The following TMC1 variants were observed in gnomAD, a reference collection of about 807,000 sequenced individuals.
The protein encoded by TMC1 is transmembrane channel-like protein 1.
A neutral mutation model predicts 105.8 loss-of-function variants in TMC1; 84 were observed. The observed-to-expected ratio is 0.79, with a 90% CI of 0.67 to 0.95. The LOEUF (loss-of-function observed/expected upper bound fraction) is 0.95. Among genes scored for constraint, TMC1 ranks in the 40% least tolerant of loss-of-function variants. The pLI is 0.00. For missense variants in TMC1, 817 were observed against 914.1 expected (o/e 0.89, Z 1.37); for synonymous variants, 315 against 311.5 (o/e 1.01, Z -0.12).
At chr9:72,557,051 T>G (rs1823953969) in intron 1 of TMC1, among the ~76,000 whole-genome samples, 1 of 152,068 alleles carries the variant, frequency 6.6e-6, no homozygotes, top group South Asian at 2.1e-4. Flanking sequence ...GTCAATTGTT[T>G]TTTGAGGTTG....
intron 5 of TMC1, among the ~76,000 whole-genome samples, chr9:72,665,128 T>A (rs1166402277): frequency 6.6e-6 from 1 of 152,210 alleles, no homozygotes; most frequent in Non-Finnish European, 1.5e-5. Context: ...AGGAATTTTT[T>A]AGCTCCTTTA....
intron 4 of TMC1, among the ~76,000 whole-genome samples, chr9:72,639,143 A>G (rs1010367154): frequency 2.0e-5 from 3 of 152,160 alleles, no homozygotes; most frequent in Admixed American, 2.0e-4. Context: ...GAATTTCATT[A>G]CTGGGAACTA....
chr9:72,598,284 C>G (rs939294625), intron 2 of TMC1, among the ~76,000 whole-genome samples: 1 of 152,174 alleles, frequency 6.6e-6, no homozygotes, highest in African/African-American at 2.4e-5. Flanking sequence ...GACAACCCAT[C>G]GACTTGGGGT....
In TMC1 at chr9:72,772,501, A is replaced by AT. The variant is rs752999399; in HGVS notation, c.834dup (p.Leu279SerfsTer24). ...ATGAATTTCAGGTTGCCGCTCTCCT[A>AT]TTTTCTAGTGGGGATTATGTGCATT... On this transcript the variant is annotated frameshift_variant, in exon 13 of 24. Transcript: ENST00000297784. LOFTEE classifies it high-confidence loss of function. The AT allele has an allele frequency of 1.2e-6, 2 of 1,613,744 alleles. No individual in the cohort carries two copies.
Position 72,588,775 on chromosome 9 carries a change from A to ATT in TMC1, c.-306+10768_-306+10769dup, listed in dbSNP as rs34222467. Reference sequence around the variant, plus strand: ...GTAAGTGACAGGATAGAAAAACAAGATTTTTTTTTTTTTTTTTGAGACAGG... The same window carrying ATT: ...GTAAGTGACAGGATAGAAAAACAAGATTTTTTTTTTTTTTTTTTTGAGACAGG... On this transcript the variant is annotated intron_variant, in intron 2 of 23. Transcript: ENST00000297784. Among the ~76,000 whole-genome samples, 1,120 of 141,648 alleles carry ATT rather than the reference A, an allele frequency of 7.9e-3. 7 individuals carry two copies. Among genetic ancestry groups the ATT allele is most frequent in the Non-Finnish European group, 0.01 (661 of 64,750 alleles). The allele number at this position is 141,648 out of a possible 152,430, so 92.9% of individuals were successfully genotyped here.
chr9:72,559,767 A>G (rs1044923448), intron 1 of TMC1, among the ~76,000 whole-genome samples: 3 of 152,230 alleles, frequency 2.0e-5, no homozygotes, highest in Admixed American at 6.5e-5. Context: ...ACCACTCACC[A>G]TGATCGTGCC....
rs1465924344 is a variant in TMC1, at chr9:72,567,552, G to A, written c.-427-10350G>A. On this transcript the variant is annotated intron_variant, in intron 1 of 23. Transcript: ENST00000297784. ...CAGAGGCACCTCTTCACGGGGTGGC[G>A]GGAGAGAGAATAAGTGCAAGTAGGA... Among the ~76,000 whole-genome samples, 6 of 152,236 alleles carry A rather than the reference G, an allele frequency of 3.9e-5. No individual in the cohort carries two copies. The East Asian group carries it at 7.7e-4, about 20-fold the overall frequency.
chr9:72,563,611 TA>T (rs1824094670), intron 1 of TMC1, among the ~76,000 whole-genome samples: 1 of 152,028 alleles, frequency 6.6e-6, no homozygotes, highest in Non-Finnish European at 1.5e-5. Context: ...GTAGCAAGAA[TA>T]AATTGACTGG....
At chr9:72,830,737 T>TA in intron 23 of TMC1, 55 bp downstream of exon 23, 86 of 1,415,000 alleles carry the variant, frequency 6.1e-5, no homozygotes, top group Middle Eastern at 2.1e-4. Flanking sequence ...TCTTTTTCTT[T>TA]CTTTTTTTTT....
At chr9:72,710,979 C>T (rs1826825713) in intron 8 of TMC1, among the ~76,000 whole-genome samples, 2 of 152,152 alleles carry the variant, frequency 1.3e-5, no homozygotes, top group African/African-American at 2.4e-5. Flanking sequence ...CATGTGTTCT[C>T]ATTGTTCAAC....
chr9:72,542,595 AG>A (rs926900863), intron 1 of TMC1, among the ~76,000 whole-genome samples: 2 of 151,072 alleles, frequency 1.3e-5, no homozygotes, highest in African/African-American at 2.4e-5. Flanking sequence ...GCTCCAGCCT[AG>A]GGGGGAGAAA....
chr9:72,803,665 A>G (rs1828518911), intron 17 of TMC1, among the ~76,000 whole-genome samples: 1 of 152,238 alleles, frequency 6.6e-6, no homozygotes, highest in Non-Finnish European at 1.5e-5. Context: ...AGAAATGCAA[A>G]TCAAAACCAC....
At position 72,788,445 on chromosome 9, in the gene TMC1, G is replaced by A. The variant is rs1470897776; in HGVS notation, c.991G>A (p.Ala331Thr). 1 of 1,614,008 alleles carries A rather than the reference G, an allele frequency of 6.2e-7. No individual in the cohort carries two copies. Among genetic ancestry groups the A allele is most frequent in the Non-Finnish European group, 8.5e-7 (1 of 1,179,916 alleles). Residue 331 changes from alanine to threonine, a missense_variant, in exon 14 of 24, where the codon GCA (alanine) becomes ACA (threonine). Ala to Thr is a moderately conservative substitution (Grantham distance 58). Coordinates refer to ENST00000297784, the MANE Select transcript of TMC1 (RefSeq NM_138691.3). ...WDYLIGNPETADNKFNSITMN... is the reference protein window; with the variant it reads ...WDYLIGNPETTDNKFNSITMN... ...CTACCTGATCGGCAATCCTGAAACA[G>A]CAGACAACAAATTTAATTCTATCAC...
chr9:72,712,613 A>G (rs1237029818), intron 8 of TMC1, among the ~76,000 whole-genome samples: 1 of 152,120 alleles, frequency 6.6e-6, no homozygotes, highest in Non-Finnish European at 1.5e-5. Context: ...TTGTACATTG[A>G]TTTTGTATCC....
chr9:72,828,472 T>G (rs747514209), intron 21 of TMC1, among the ~76,000 whole-genome samples: 1 of 152,118 alleles, frequency 6.6e-6, no homozygotes, highest in Non-Finnish European at 1.5e-5. Context: ...GTTACCATAT[T>G]CTTACTTGAT....
chr9:72,749,627 A>G (rs1827546182), intron 10 of TMC1, among the ~76,000 whole-genome samples: 1 of 152,126 alleles, frequency 6.6e-6, no homozygotes. Flanking sequence ...ACACCCTTAG[A>G]AACCTTATAG....
At chr9:72,704,921 T>G (rs926902748) in intron 8 of TMC1, among the ~76,000 whole-genome samples, 3 of 152,216 alleles carry the variant, frequency 2.0e-5, no homozygotes, top group Non-Finnish European at 2.9e-5. Context: ...ACAGATGATT[T>G]ATACAATGAG....
At chr9:72,627,046 T>TTG (rs1554716568) in intron 3 of TMC1, among the ~76,000 whole-genome samples, 4 of 149,366 alleles carry the variant, frequency 2.7e-5, no homozygotes, top group African/African-American at 7.4e-5. Context: ...TTTTTTTTTT[T>TTG]GGGTCTGTCA....
In TMC1 at chr9:72,797,877, C is replaced by G. The variant is rs116781035; in HGVS notation, c.1566+5525C>G. On this transcript the variant is annotated intron_variant, in intron 17 of 23. Transcript: ENST00000297784. ...GCAAAAATTAACAAATGGGATCTAA[C>G]TAAACTAAAGAGCTCCAGCACAGCA... Among the ~76,000 whole-genome samples the G allele has an allele frequency of 1.6e-3, 244 of 152,090 alleles. 2 individuals are homozygous for G. The highest frequency in any genetic ancestry group is 5.7e-3 in the African/African-American group (238 of 41,524).
Sources: gnomAD v4.1 joint callset for allele counts (sites outside exome capture counted in the v4.1 genomes callset) on GRCh38, gnomAD v4.1.1 for gene constraint, MANE v1.5 for transcripts, NCBI Gene and HGNC (gene_info 2026-07-23, HGNC 2026-07-21) for gene names.